ITFG1: variants seen among roughly 807,000 people sequenced by gnomAD.
ITFG1 encodes the protein integrin alpha FG-GAP repeat containing 1.
ITFG1 carries 34 observed loss-of-function variants against 81.8 expected under a neutral mutation model. That is an observed-to-expected ratio of 0.42 (90% confidence interval 0.32 to 0.55). The LOEUF (loss-of-function observed/expected upper bound fraction) is 0.55. ITFG1 is among the 20% of genes least tolerant of loss of function. ITFG1 has a pLI of 0.17. For missense variants in ITFG1, 672 were observed against 755.4 expected, an observed-to-expected ratio of 0.89 and a Z score of 1.29; for synonymous variants, 285 against 270.6, an observed-to-expected ratio of 1.05 and a Z score of -0.52.
In ITFG1 at chr16:47,459,108, A is replaced by C; in HGVS notation, c.276T>G (p.Ser92=). The change falls in exon 2 of 18, where the codon TCT becomes TCG. Residue 92 remains serine, a synonymous_variant. Transcript: ENST00000320640. ...APYFKPKVKV[S]FKNHSALITS... The stretch of plus-strand genomic sequence containing the variant: ...ATAATCATATTTGTACTTACTTGAA[A>C]GATACCTTTACTTTGGGTTTAAAAT... The C allele has an allele frequency of 1.3e-6, 2 of 1,559,026 alleles. No homozygotes were observed. The highest frequency in any genetic ancestry group is 1.8e-6 in the Non-Finnish European group (2 of 1,130,184).
intron 8 of ITFG1, among the ~76,000 whole-genome samples, chr16:47,341,403 A>T (rs1967781345): frequency 1.3e-5 from 2 of 148,254 alleles, no homozygotes; most frequent in Admixed American, 6.7e-5. Flanking sequence ...CGCCACTGAA[A>T]AAAAAAAAAA....
At chr16:47,234,680 A>T (rs1159158099) in intron 13 of ITFG1, among the ~76,000 whole-genome samples, 1 of 152,234 alleles carries the variant, frequency 6.6e-6, no homozygotes, top group Non-Finnish European at 1.5e-5. Context: ...AATGGAAGAA[A>T]ATATGACTTG....
chr16:47,319,613 G>GT (rs577203161), intron 8 of ITFG1, among the ~76,000 whole-genome samples: 57 of 151,700 alleles, frequency 3.8e-4, no homozygotes, highest in Middle Eastern at 3.4e-3. Context: ...TAAAATTATT[G>GT]TTTTTTTTGC....
chr16:47,425,257 C>T (rs544973861), intron 6 of ITFG1, among the ~76,000 whole-genome samples: 3 of 152,288 alleles, frequency 2.0e-5, no homozygotes, highest in East Asian at 3.9e-4. Context: ...GAGCCAGGCA[C>T]GGGAAGGTAT....
chr16:47,189,436 C>A (rs1227335303), intron 14 of ITFG1, among the ~76,000 whole-genome samples: 1 of 152,176 alleles, frequency 6.6e-6, no homozygotes, highest in Non-Finnish European at 1.5e-5. Flanking sequence ...CTATTCTGGA[C>A]CTTTCATATA....
At chr16:47,158,820 T>TTTTAAA (rs1213749729) in intron 17 of ITFG1, 53 bp downstream of exon 17, 1 of 858,884 alleles carries the variant, frequency 1.2e-6, no homozygotes, top group Non-Finnish European at 1.9e-6. Context: ...GAGCAATGTA[T>TTTTAAA]GTATTACTAG....
chr16:47,388,542 G>A (rs1968491267), intron 6 of ITFG1, among the ~76,000 whole-genome samples: 1 of 152,014 alleles, frequency 6.6e-6, no homozygotes, highest in African/African-American at 2.4e-5. Flanking sequence ...GAAGGCAGTG[G>A]GATGACATAC....
At chr16:47,328,691 C>T (rs577939851) in intron 8 of ITFG1, among the ~76,000 whole-genome samples, 146 of 152,200 alleles carry the variant, frequency 9.6e-4, no homozygotes, top group Middle Eastern at 3.4e-3. Flanking sequence ...CTATTTACTT[C>T]TGAGTGCTCT....
chr16:47,163,562 C>A (rs1406277598), intron 14 of ITFG1, among the ~76,000 whole-genome samples: 1 of 152,130 alleles, frequency 6.6e-6, no homozygotes, highest in Non-Finnish European at 1.5e-5. Context: ...ACATTTCAGT[C>A]ATTTCCATTT....
chr16:47,425,210 T>C lies in ITFG1; in HGVS notation c.655+3594A>G, dbSNP rs191162161. ...GCAGGTTGATCTCAGACTGCTGCGC[T>C]AGCAGTGAGCAACACTCCGTGGGTG... On this transcript the variant is annotated intron_variant, in intron 6 of 17. Coordinates refer to ENST00000320640, the MANE Select transcript of ITFG1 (RefSeq NM_030790.5). Among the ~76,000 whole-genome samples the C allele has an allele frequency of 1.6e-3, 249 of 152,316 alleles. 2 individuals carry two copies. Among genetic ancestry groups the C allele is most frequent in the African/African-American group, 5.5e-3 (230 of 41,574 alleles).
intron 8 of ITFG1, among the ~76,000 whole-genome samples, chr16:47,361,987 T>C (rs1968115248): frequency 6.6e-6 from 1 of 152,172 alleles, no homozygotes. Context: ...TGTGATGGCT[T>C]TGTTGTCTTT....
chr16:47,297,858 A>G (rs1401939177), intron 10 of ITFG1, among the ~76,000 whole-genome samples: 1 of 152,078 alleles, frequency 6.6e-6, no homozygotes, highest in Non-Finnish European at 1.5e-5. Flanking sequence ...TGGGCCTCTT[A>G]TATTTGAATG....
intron 8 of ITFG1, among the ~76,000 whole-genome samples, chr16:47,332,805 T>A (rs1967653006): frequency 6.6e-6 from 1 of 152,192 alleles, no homozygotes; most frequent in Non-Finnish European, 1.5e-5. Context: ...ATTATTCAAT[T>A]TGTTAGGCAT....
intron 14 of ITFG1, among the ~76,000 whole-genome samples, chr16:47,189,174 A>G (rs1965262527): frequency 6.6e-6 from 1 of 152,226 alleles, no homozygotes; most frequent in East Asian, 1.9e-4. Flanking sequence ...ATACATTTAG[A>G]ATGTGAGTAG....
chr16:47,225,434 G>A (rs915347937), intron 13 of ITFG1, among the ~76,000 whole-genome samples: 4 of 138,210 alleles, frequency 2.9e-5, no homozygotes, highest in African/African-American at 1.1e-4. Flanking sequence ...CTCAATGAAC[G>A]CCAAGTAGGG....
chr16:47,169,968 T>C (rs747010016), intron 14 of ITFG1, among the ~76,000 whole-genome samples: 9 of 152,238 alleles, frequency 5.9e-5, no homozygotes, highest in Non-Finnish European at 8.8e-5. Context: ...TTAGATCTAT[T>C]AATGCCATGT....
intron 10 of ITFG1, among the ~76,000 whole-genome samples, chr16:47,297,945 C>G (rs1424857927): frequency 6.6e-6 from 1 of 152,000 alleles, no homozygotes; most frequent in Non-Finnish European, 1.5e-5. Context: ...GTTACTTTTT[C>G]TTCTCTTTTG....
In ITFG1 at chr16:47,327,253, G is replaced by A. The variant is rs185602560; in HGVS notation, c.803-13430C>T. On this transcript the variant is annotated intron_variant, in intron 8 of 17. Transcript: ENST00000320640. ...CATTCCCTATTTAATAAATGGTGCT[G>A]GGAAAACTGGCTAGCCATATATAGA... 3.1e-3 allele frequency among the ~76,000 whole-genome samples: 477 copies of A among 152,282 alleles called. 4 individuals carry two copies. The highest frequency in any genetic ancestry group is 8.4e-3 in the Admixed American group (129 of 15,290).
Position 47,243,362 on chromosome 16 carries a change from T to G in ITFG1, c.1331-5354A>C, listed in dbSNP as rs190464307. On this transcript the variant is annotated intron_variant, in intron 12 of 17. Coordinates refer to ENST00000320640, the MANE Select transcript of ITFG1 (RefSeq NM_030790.5). ...TACTCTTGTAGTTTTTAATAGACCA[T>G]CTGCATTACTTATTTTAAAAACAAA... is the stretch of plus-strand genomic sequence containing the variant. Among the ~76,000 whole-genome samples the G allele has an allele frequency of 2.2e-4, 33 of 152,282 alleles. No homozygotes were observed. The East Asian group carries it at 6.0e-3, about 28-fold the overall frequency.
Sources: allele counts gnomAD v4.1 joint callset (sites outside exome capture counted in the v4.1 genomes callset), GRCh38; gene constraint gnomAD v4.1.1; transcripts MANE v1.5; gene names NCBI Gene and HGNC (gene_info 2026-07-23, HGNC 2026-07-21).